Variants in DECR2 observed in about 807,000 individuals in gnomAD.
DECR2 encodes the protein peroxisomal 2,4-dienoyl-CoA reductase [(3E)-enoyl-CoA-producing].
In DECR2, 34 loss-of-function variants were observed where a neutral mutation model predicts 29.2. That is an observed-to-expected ratio of 1.16 (90% confidence interval 0.89 to 1.55). DECR2 has a LOEUF of 1.55. DECR2 is among the 40% of genes most tolerant of loss of function. The pLI is 0.00. For synonymous variants in DECR2, 224 were observed against 182.7 expected (o/e 1.23, Z -1.82); for missense variants, 485 against 425.3 (o/e 1.14, Z -1.23).
chr16:405,353 C>G, intron 2 of DECR2: 1 of 536,730 alleles, frequency 1.9e-6, no homozygotes, highest in Middle Eastern at 5.6e-4. Flanking sequence ...TGGCTTCAGG[C>G]CAGGGTCAGC....
chr16:404,690 T>C (rs887004621), intron 1 of DECR2, among the ~76,000 whole-genome samples: 1 of 151,752 alleles, frequency 6.6e-6, no homozygotes, highest in Non-Finnish European at 1.5e-5. Flanking sequence ...AGTGCAGTGG[T>C]GCGATCTCGG....
chr16:411,221 G>C, intron 7 of DECR2, 140 bp from the exon 8 acceptor site: 1 of 1,171,658 alleles, frequency 8.5e-7, no homozygotes, highest in East Asian at 2.6e-5. Context: ...TGCCTGGCCT[G>C]ATCCTGCTCC....
In DECR2 at chr16:407,514, G is replaced by C; in HGVS notation, c.291G>C (p.Val97=). The C allele has an allele frequency of 1.2e-6, 2 of 1,614,028 alleles. No individual in the cohort carries two copies. The highest frequency in any genetic ancestry group is 1.7e-6 in the Non-Finnish European group (2 of 1,179,938). The change falls in exon 4 of 9, where the codon GTG becomes GTC. Residue 97 remains valine, a synonymous_variant. Coordinates refer to ENST00000219481, the MANE Select transcript of DECR2 (RefSeq NM_020664.4). The part of the protein sequence containing the change: ...VRAPPAVMAA[V]DQALKEFGRI... Reference sequence around the variant, plus strand: ...CGCCCCCAGCTGTCATGGCCGCCGTGGACCAGGCTCTGAAGGAGTTTGGCA... The same window carrying C: ...CGCCCCCAGCTGTCATGGCCGCCGTCGACCAGGCTCTGAAGGAGTTTGGCA...
At chr16:402,162 T>C in intron 1 of DECR2, 119 bp downstream of exon 1, 2 of 687,190 alleles carry the variant, frequency 2.9e-6, no homozygotes, top group Non-Finnish European at 3.9e-6. Flanking sequence ...CCTGGCTCCT[T>C]TCTTTCTTTT....
In DECR2 at chr16:412,089, GCCAGGTGCCACGCAGGTGTCTGAGGA is replaced by G. The variant is rs575202895; in HGVS notation, c.*219_*244del. On this transcript the variant is annotated 3_prime_UTR_variant, in exon 9 of 9. Coordinates refer to ENST00000219481, the MANE Select transcript of DECR2 (RefSeq NM_020664.4). ...GGAGCTGCCACGCAGGTGCCTGAGG[GCCAGGTGCCACGCAGGTGTCTGAGGA>G]CCAGGTGCCACGCAGGTGGTGGGGG... The G allele has an allele frequency of 0.011, 1,661 of 155,290 alleles. 32 individuals are homozygous for G. The highest frequency in any genetic ancestry group is 0.034 in the African/African-American group (1,434 of 41,604). 9.6% of individuals were successfully genotyped at this position (155,290 alleles called of 1,614,324 possible).
Position 411,082 on chromosome 16 carries a change from G to A in DECR2, c.661+6G>A. The A allele has an allele frequency of 6.6e-7, 1 of 1,510,032 alleles. No homozygotes were observed. Among genetic ancestry groups the A allele is most frequent in the Non-Finnish European group, 8.8e-7 (1 of 1,132,524 alleles). The allele number at this position is 1,510,032 out of a possible 1,614,324, so 93.5% of individuals were successfully genotyped here. A position where few individuals can be genotyped will look rare whatever the true frequency, so the allele number is the denominator to read the frequency against. ...AGAGGGGCTCCGGCGACTGGGTAAGGCTCTCAGGGAGCCCAGGCCTCCCAC... is the reference window on the plus strand; with the variant it reads ...AGAGGGGCTCCGGCGACTGGGTAAGACTCTCAGGGAGCCCAGGCCTCCCAC... On this transcript the variant is annotated splice_donor_region_variant and intron_variant, in intron 7 of 8. Transcript: ENST00000219481.
At chr16:407,364 A>G (rs1275765337) in intron 3 of DECR2, 61 bp from the exon 4 acceptor site, 25 of 1,539,584 alleles carry the variant, frequency 1.6e-5, no homozygotes, top group Non-Finnish European at 1.7e-5. Flanking sequence ...GCAGATTCCA[A>G]AGGCCTTTTC....
Position 411,361 on chromosome 16 carries a change from G to T in DECR2, c.662G>T (p.Gly221Val). ...ISGTEGLRRLGGPQASLSTKV... is the reference protein window; with the variant it reads ...ISGTEGLRRLVGPQASLSTKV... The stretch of plus-strand genomic sequence containing the variant: ...GCCTGAGCCTTCTGCTGCCCTCCAG[G>T]TGGCCCTCAGGCCAGCCTGAGCACC... Residue 221 changes from glycine (G) to valine (V), a missense_variant and splice_region_variant, in exon 8 of 9, where the codon GGT becomes GTT. Transcript: ENST00000219481. The T allele has an allele frequency of 6.2e-7, 1 of 1,604,640 alleles. No homozygotes were observed. The highest frequency in any genetic ancestry group is 8.5e-7 in the Non-Finnish European group (1 of 1,178,350).
rs2054723425 is a variant in DECR2, at chr16:406,330, G to C, written c.150-16G>C. The C allele has an allele frequency of 6.2e-7, 1 of 1,605,628 alleles. No individual in the cohort carries two copies. Among genetic ancestry groups the C allele is most frequent in the East Asian group, 2.2e-5 (1 of 44,880 alleles). On this transcript the variant is annotated splice_polypyrimidine_tract_variant and intron_variant, in intron 2 of 8. Coordinates refer to ENST00000219481, the MANE Select transcript of DECR2 (RefSeq NM_020664.4). ...CCTCGCCCACACTGCCCTCACACCT[G>C]CTTCTGGTTTTGCAGGCACGGCTGC...
In DECR2 at chr16:410,368, G is replaced by A. The variant is rs774052111; in HGVS notation, c.462+1G>A. The A allele has an allele frequency of 1.3e-6, 2 of 1,596,796 alleles. No individual in the cohort carries two copies. Among genetic ancestry groups the A allele is most frequent in the African/African-American group, 1.4e-5 (1 of 70,524 alleles). ...TGTGCTCTATGAGAAGTTCTTCCGG[G>A]TGGGTGCCTCGTGCGCTCTGTGAGA... On this transcript the variant is annotated splice_donor_variant, in intron 5 of 8. Transcript: ENST00000219481. LOFTEE classifies it high-confidence loss of function. The surrounding 1 kb of genome is among the most constrained non-coding windows in gnomAD (Gnocchi z 4.1).
intron 1 of DECR2, among the ~76,000 whole-genome samples, chr16:402,324 G>A (rs369074066): frequency 6.6e-6 from 1 of 151,898 alleles, no homozygotes; most frequent in Admixed American, 6.6e-5. Flanking sequence ...AGTAGAGAGG[G>A]GGTGTCACCG....
rs1358783866 is a variant in DECR2, at chr16:406,795, C to T, written c.201+398C>T. The T allele has an allele frequency of 1.2e-4, 76 of 620,610 alleles. 4 individuals carry two copies. The highest frequency in any genetic ancestry group is 8.4e-4 in the South Asian group (24 of 28,458). 38.4% of individuals were successfully genotyped at this position (620,610 alleles called of 1,614,324 possible). A position where few individuals can be genotyped will look rare whatever the true frequency, so the allele number is the denominator to read the frequency against. ...GATTACAGGTGTGAACCACTGTGCC[C>T]GGCCGGCACCTCAGCCTCCCAAAGT... On this transcript the variant is annotated intron_variant, in intron 3 of 8. Coordinates refer to ENST00000219481, the MANE Select transcript of DECR2 (RefSeq NM_020664.4).
chr16:408,164 C>T (rs540483610), intron 4 of DECR2, among the ~76,000 whole-genome samples: 67 of 132,608 alleles, frequency 5.1e-4, no homozygotes, highest in African/African-American at 1.8e-3. Flanking sequence ...CCCCTGTCTC[C>T]GGGCCTCTGT....
intron 1 of DECR2, among the ~76,000 whole-genome samples, chr16:403,414 G>A (rs189289365): frequency 8.5e-5 from 13 of 152,112 alleles, no homozygotes; most frequent in African/African-American, 2.7e-4. Flanking sequence ...CAGTCATACC[G>A]ATCAGTACAC....
In DECR2 at chr16:411,584, GT is replaced by G; in HGVS notation, c.*7del. On this transcript the variant is annotated splice_region_variant and intron_variant, in intron 8 of 8. Coordinates refer to ENST00000219481, the MANE Select transcript of DECR2 (RefSeq NM_020664.4). ...CCTTCTCTGCTAAGCTCTAGGTGAG[GT>G]ACTGCTCCCGCTTCTTGGGGTCATC... 1 of 1,605,680 alleles carries G rather than the reference GT, an allele frequency of 6.2e-7. No individual in the cohort carries two copies. Among genetic ancestry groups the G allele is most frequent in the Non-Finnish European group, 8.5e-7 (1 of 1,174,526 alleles).
chr16:409,547 T>C (rs2054785098), intron 4 of DECR2: 1 of 152,146 alleles, frequency 6.6e-6, no homozygotes, highest in Non-Finnish European at 1.5e-5. Context: ...CCACCTACAG[T>C]TTTCCCTGTT....
chr16:405,178 G>A (rs2054710358), intron 2 of DECR2, 154 bp downstream of exon 2: 3 of 881,578 alleles, frequency 3.4e-6, no homozygotes, highest in Non-Finnish European at 5.3e-6. Flanking sequence ...ACTGGGGAGC[G>A]GTCGAGGATT....
chr16:412,456 AAG>A lies in DECR2; in HGVS notation c.*570_*571del, dbSNP rs1268297207. On this transcript the variant is annotated 3_prime_UTR_variant, in exon 9 of 9. Coordinates refer to ENST00000219481, the MANE Select transcript of DECR2 (RefSeq NM_020664.4). Reference sequence around the variant, plus strand: ...TGCAAAAGCTTTTAGAAGGAAAAGAAAGAGGATTAAAGAGAATTGCTGGTGAT... The same window carrying A: ...TGCAAAAGCTTTTAGAAGGAAAAGAAAGGATTAAAGAGAATTGCTGGTGAT... 2 of 152,126 alleles carry A rather than the reference AAG, an allele frequency of 1.3e-5. No homozygotes were observed. The highest frequency in any genetic ancestry group is 2.9e-5 in the Non-Finnish European group (2 of 68,040). The allele number at this position is 152,126 out of a possible 1,614,324, so 9.4% of individuals were successfully genotyped here.
At chr16:406,647 G>A (rs561090736) in intron 3 of DECR2, 167 of 631,196 alleles carry the variant, frequency 2.6e-4, no homozygotes, top group Middle Eastern at 4.4e-4. Flanking sequence ...ACAGGTGCCC[G>A]CCACCACGCC....
Sources: gnomAD v4.1 joint callset for allele counts (sites outside exome capture counted in the v4.1 genomes callset) on GRCh38, gnomAD v4.1.1 for gene constraint, Gnocchi (gnomAD v3.1) non-coding constraint, MANE v1.5 for transcripts, NCBI Gene and HGNC (gene_info 2026-07-23, HGNC 2026-07-21) for gene names.